The following TNIK variants were observed in gnomAD, a reference collection of about 807,000 sequenced individuals.
The protein encoded by TNIK is TRAF2 and NCK interacting kinase, also known as TRAF2 and NCK-interacting protein kinase.
A neutral mutation model predicts 191.3 loss-of-function variants in TNIK; 49 were observed. That is an observed-to-expected ratio of 0.26 (90% CI 0.20 to 0.32). The LOEUF (loss-of-function observed/expected upper bound fraction) is 0.32. Ranked by LOEUF, TNIK falls within the 10% of genes least tolerant of loss-of-function variation. The pLI, the probability that TNIK is intolerant of heterozygous loss-of-function variation, is 1.00. For missense variants in TNIK, 1,155 were observed against 1,702.3 expected, an observed-to-expected ratio of 0.68 and a Z score of 5.66; for synonymous variants, 594 against 600.9, an observed-to-expected ratio of 0.99 and a Z score of 0.17.
intron 12 of TNIK, among the ~76,000 whole-genome samples, chr3:171,152,961 C>T (rs188045499): frequency 2.0e-4 from 31 of 152,020 alleles, no homozygotes; most frequent in African/African-American, 5.5e-4. Flanking sequence ...TTAGTAGAGA[C>T]GGGGTTTCAC....
chr3:171,447,123 A>G (rs1269657143), intron 1 of TNIK, among the ~76,000 whole-genome samples: 1 of 152,134 alleles, frequency 6.6e-6, no homozygotes, highest in Non-Finnish European at 1.5e-5. Context: ...CCCAGGAGGC[A>G]GAGGTTGCAG....
At chr3:171,459,233 C>A (rs924152872) in intron 1 of TNIK, among the ~76,000 whole-genome samples, 1 of 152,038 alleles carries the variant, frequency 6.6e-6, no homozygotes, top group Non-Finnish European at 1.5e-5. Context: ...CAGACACACA[C>A]ACACACACAC....
At chr3:171,355,596 T>C (rs1291760801) in intron 2 of TNIK, among the ~76,000 whole-genome samples, 1 of 152,192 alleles carries the variant, frequency 6.6e-6, no homozygotes, top group Non-Finnish European at 1.5e-5. Flanking sequence ...TTTCACTATT[T>C]TGACAAAGAG....
At chr3:171,145,408 G>A (rs915722619) in intron 12 of TNIK, among the ~76,000 whole-genome samples, 1 of 152,074 alleles carries the variant, frequency 6.6e-6, no homozygotes, top group African/African-American at 2.4e-5. Context: ...TGAACACACA[G>A]ACTTCCCTTC....
chr3:171,238,099 G>T (rs186523562), intron 2 of TNIK, among the ~76,000 whole-genome samples: 1 of 152,146 alleles, frequency 6.6e-6, no homozygotes, highest in Non-Finnish European at 1.5e-5. Flanking sequence ...CTGCATTTGC[G>T]ATTGTGATTT....
At position 171,246,788 on chromosome 3, in the gene TNIK, T is replaced by C. The variant is rs146516811; in HGVS notation, c.124-18567A>G. On this transcript the variant is annotated intron_variant, in intron 2 of 32. Coordinates refer to ENST00000436636, the MANE Select transcript of TNIK (RefSeq NM_015028.4). The stretch of plus-strand genomic sequence containing the variant: ...CAGGCGGTGACTTCAGTCTAGGACA[T>C]ACAAGGTTTGCAGGAGGCTGGCCGC... Among the ~76,000 whole-genome samples, 366 of 152,316 alleles carry C rather than the reference T, an allele frequency of 2.4e-3. 2 individuals carry two copies. The highest frequency in any genetic ancestry group is 3.7e-3 in the Admixed American group (57 of 15,304).
intron 22 of TNIK, among the ~76,000 whole-genome samples, chr3:171,097,337 G>T (rs55931049): frequency 0.022 from 3,306 of 152,252 alleles, 113 homozygotes; most frequent in African/African-American, 0.069. Flanking sequence ...TTCTAGTTGA[G>T]AAAGTTGTTT....
At chr3:171,138,853 G>A (rs1371352967) in intron 14 of TNIK, among the ~76,000 whole-genome samples, 1 of 152,082 alleles carries the variant, frequency 6.6e-6, no homozygotes, top group Non-Finnish European at 1.5e-5. Flanking sequence ...AAGGCCATTA[G>A]CAAGCTTATG....
In TNIK at chr3:171,244,226, G is replaced by A. The variant is rs564046223; in HGVS notation, c.124-16005C>T. Among the ~76,000 whole-genome samples the A allele has an allele frequency of 2.2e-3, 329 of 151,884 alleles. 2 individuals are homozygous for A. Among genetic ancestry groups the A allele is most frequent in the African/African-American group, 7.1e-3 (296 of 41,416 alleles). On this transcript the variant is annotated intron_variant, in intron 2 of 32. Transcript: ENST00000436636. Reference sequence around the variant, plus strand: ...ACTACAGGCGCCCGCCACCACGCCCGGCTAATTTTTTGTATTTTTTAGTAG... The same window carrying A: ...ACTACAGGCGCCCGCCACCACGCCCAGCTAATTTTTTGTATTTTTTAGTAG...
At chr3:171,228,304 TG>T in intron 2 of TNIK, 83 bp from the exon 3 acceptor site, 1 of 1,490,476 alleles carries the variant, frequency 6.7e-7, no homozygotes, top group Non-Finnish European at 9.3e-7. Context: ...AAAAATTGCT[TG>T]GATCAGTGCT....
At chr3:171,147,179 G>A (rs570030453) in intron 12 of TNIK, among the ~76,000 whole-genome samples, 7 of 152,260 alleles carry the variant, frequency 4.6e-5, no homozygotes, top group African/African-American at 7.2e-5. Flanking sequence ...TGGAAGACCC[G>A]AGTTGGCCTC....
chr3:171,241,749 A>G (rs1318454080), intron 2 of TNIK, among the ~76,000 whole-genome samples: 1 of 151,974 alleles, frequency 6.6e-6, no homozygotes, highest in African/African-American at 2.4e-5. Flanking sequence ...TCACAATAGC[A>G]AAGACTTGGA....
At chr3:171,093,698 C>G (rs1722353612) in intron 23 of TNIK, 141 bp downstream of exon 23, 1 of 1,086,418 alleles carries the variant, frequency 9.2e-7, no homozygotes, top group East Asian at 2.8e-5. Context: ...AATCACTCAA[C>G]TATTTGGAAG....
At chr3:171,381,939 A>G (rs558678360) in intron 1 of TNIK, among the ~76,000 whole-genome samples, 23 of 152,332 alleles carry the variant, frequency 1.5e-4, no homozygotes, top group Non-Finnish European at 3.1e-4. Flanking sequence ...AAATGATCCT[A>G]TGGTTCTGAC....
chr3:171,134,012 G>A lies in TNIK; in HGVS notation c.1608+4179C>T, dbSNP rs896531576. On this transcript the variant is annotated intron_variant, in intron 15 of 32. Transcript: ENST00000436636. ...AAACAAAGCATTCTTTCACTGCTGA[G>A]CTTTGGTACAATTTTTTTTTTAAGT... Among the ~76,000 whole-genome samples the A allele has an allele frequency of 3.9e-5, 6 of 152,114 alleles. No homozygotes were observed. The South Asian group carries it at 6.2e-4, about 16-fold the overall frequency.
At chr3:171,109,215 G>A (rs1342361120) in intron 19 of TNIK, among the ~76,000 whole-genome samples, 5 of 152,176 alleles carry the variant, frequency 3.3e-5, no homozygotes, top group Non-Finnish European at 5.9e-5. Context: ...AGGCTGGAGC[G>A]CAGTGGGGCC....
chr3:171,107,169 A>T lies in TNIK; in HGVS notation c.2406+14T>A. The stretch of plus-strand genomic sequence containing the variant: ...CATTTTGTGAAAGCATGACCAAGAA[A>T]AGGTAATACTAACCTCATCTATAGC... On this transcript the variant is annotated intron_variant, in intron 21 of 32. Transcript: ENST00000436636. 6.2e-7 allele frequency: 1 copy of T among 1,608,720 alleles called. No homozygotes were observed. Among genetic ancestry groups the T allele is most frequent in the Non-Finnish European group, 8.5e-7 (1 of 1,178,220 alleles).
At chr3:171,204,703 G>C (rs1379916612) in intron 4 of TNIK, among the ~76,000 whole-genome samples, 1 of 152,174 alleles carries the variant, frequency 6.6e-6, no homozygotes, top group Non-Finnish European at 1.5e-5. Context: ...CTTGCTCTTT[G>C]AATATTGGGT....
At chr3:171,085,024 G>C (rs1363441493) in intron 25 of TNIK, 94 bp downstream of exon 25, 1 of 979,606 alleles carries the variant, frequency 1.0e-6, no homozygotes, top group African/African-American at 1.6e-5. Context: ...GCAGTAATCA[G>C]CTTAACTACT....
Sources: allele counts gnomAD v4.1 joint callset (sites outside exome capture counted in the v4.1 genomes callset), GRCh38; gene constraint gnomAD v4.1.1; transcripts MANE v1.5; gene names NCBI Gene and HGNC (gene_info 2026-07-23, HGNC 2026-07-21).